The following BRD10 variants were observed in gnomAD, a reference collection of about 807,000 sequenced individuals.
BRD10 encodes uncharacterized bromodomain-containing protein 10.
the BRD10 span, among the ~76,000 whole-genome samples, chr9:5,929,450 A>C: frequency 3.3e-5 from 5 of 152,320 alleles, 1 homozygote; most frequent in Admixed American, 3.3e-4. Context: ...CATTTGTTAA[A>C]TATATGTAAA....
the BRD10 span, among the ~76,000 whole-genome samples, chr9:5,924,241 T>TTAC: frequency 6.6e-6 from 1 of 152,102 alleles, no homozygotes. Flanking sequence ...TTGCAGTCAA[T>TTAC]TACTGGCTCC....
the BRD10 span, among the ~76,000 whole-genome samples, chr9:5,912,034 TTC>T: frequency 6.6e-6 from 1 of 152,240 alleles, no homozygotes; most frequent in African/African-American, 2.4e-5. Context: ...TTGAATATCT[TTC>T]TGTTTTTCTG....
At chr9:5,984,122 A>G in the BRD10 span, among the ~76,000 whole-genome samples, 3 of 152,270 alleles carry the variant, frequency 2.0e-5, no homozygotes, top group African/African-American at 7.2e-5. Context: ...AGCTCTTTAG[A>G]CAGTAGAAAA....
the BRD10 span, among the ~76,000 whole-genome samples, chr9:5,966,296 T>G: frequency 6.6e-6 from 1 of 152,110 alleles, no homozygotes; most frequent in Non-Finnish European, 1.5e-5. Flanking sequence ...GCAGTGTCTA[T>G]TTTATAAACC....
chr9:5,980,051 T>G, the BRD10 span, among the ~76,000 whole-genome samples: 2 of 151,798 alleles, frequency 1.3e-5, no homozygotes, highest in East Asian at 3.9e-4. Context: ...AGAAGTATCT[T>G]AAATGTGTTA....
chr9:5,884,150 T>G, the BRD10 span, among the ~76,000 whole-genome samples: 1 of 152,168 alleles, frequency 6.6e-6, no homozygotes, highest in Non-Finnish European at 1.5e-5. Flanking sequence ...CTTCTAGATC[T>G]CACATTGGTA....
chr9:5,919,875 G>A, the BRD10 span: 4 of 1,613,752 alleles, frequency 2.5e-6, no homozygotes, highest in African/African-American at 1.3e-5. Context: ...TTGACAGGTG[G>A]GTCCAAATGA....
chr9:5,986,456 C>A, the BRD10 span, among the ~76,000 whole-genome samples: 186 of 152,216 alleles, frequency 1.2e-3, 1 homozygote, highest in East Asian at 0.032. Flanking sequence ...ACCTTTATAA[C>A]AGAATGATTT....
chr9:5,965,937 A>G, the BRD10 span, among the ~76,000 whole-genome samples: 2 of 152,234 alleles, frequency 1.3e-5, no homozygotes, highest in African/African-American at 4.8e-5. Flanking sequence ...TTATTATAAC[A>G]GTTTATGTAA....
the BRD10 span, among the ~76,000 whole-genome samples, chr9:5,926,102 G>A: frequency 1.3e-5 from 2 of 151,836 alleles, no homozygotes; most frequent in Admixed American, 6.6e-5. Context: ...ATTTTTAGTA[G>A]AGACGGGGTT....
chr9:5,914,413 T>TG, the BRD10 span, among the ~76,000 whole-genome samples: 14 of 23,830 alleles, frequency 5.9e-4, no homozygotes, highest in Non-Finnish European at 1.8e-3. Flanking sequence ...CCAGATGGTT[T>TG]TTTTTTTTTT....
At chr9:5,990,396 G>A in the BRD10 span, among the ~76,000 whole-genome samples, 3 of 152,160 alleles carry the variant, frequency 2.0e-5, no homozygotes, top group Non-Finnish European at 4.4e-5. Context: ...CAGGTATGTA[G>A]AGCATTGAGG....
At chr9:5,918,131 C>T in the BRD10 span, among the ~76,000 whole-genome samples, 1 of 152,114 alleles carries the variant, frequency 6.6e-6, no homozygotes, top group Non-Finnish European at 1.5e-5. Context: ...TTGAGTAGAG[C>T]ATAAACATGA....
At chr9:5,920,260 AAGG>A in the BRD10 span, 1 of 1,613,984 alleles carries the variant, frequency 6.2e-7, no homozygotes, top group Non-Finnish European at 8.5e-7. Flanking sequence ...TAGTAGATAT[AAGG>A]AGAACATGGC....
chr9:5,952,707 C>G, the BRD10 span, among the ~76,000 whole-genome samples: 1 of 152,098 alleles, frequency 6.6e-6, no homozygotes, highest in Non-Finnish European at 1.5e-5. Flanking sequence ...GCCAGATTTG[C>G]TCTAACATCT....
At chr9:5,923,335 T>G in the BRD10 span, 1 of 1,534,540 alleles carries the variant, frequency 6.5e-7, no homozygotes, top group Non-Finnish European at 8.8e-7. Flanking sequence ...ACGGGCATTT[T>G]GTTTATATAA....
At chr9:5,880,703 CTTTT>C in the BRD10 span, among the ~76,000 whole-genome samples, 1 of 138,774 alleles carries the variant, frequency 7.2e-6, no homozygotes. Flanking sequence ...TCCAACATTA[CTTTT>C]TTTTTTTTTT....
the BRD10 span, among the ~76,000 whole-genome samples, chr9:6,004,233 A>G: frequency 6.6e-6 from 1 of 152,090 alleles, no homozygotes; most frequent in Admixed American, 6.5e-5. Flanking sequence ...TTCCTCTTGT[A>G]CTTTGTTCAT....
At chr9:5,969,312 T>C in the BRD10 span, 1 of 1,613,824 alleles carries the variant, frequency 6.2e-7, no homozygotes, top group East Asian at 2.2e-5. Context: ...AAATGCCCAA[T>C]AGCTGGAATT....
Sources: gnomAD v4.1 joint callset for allele counts (sites outside exome capture counted in the v4.1 genomes callset) on GRCh38, gnomAD v4.1.1 for gene constraint, MANE v1.5 for transcripts, NCBI Gene and HGNC (gene_info 2026-07-23, HGNC 2026-07-21) for gene names.